PRDM6: variants seen among roughly 807,000 people sequenced by gnomAD.
PRDM6 encodes putative histone-lysine N-methyltransferase PRDM6.
PRDM6 carries 25 observed loss-of-function variants against 60.8 expected under a neutral mutation model. The observed-to-expected ratio is 0.41, with a 90% CI of 0.30 to 0.57. The LOEUF is 0.57. Among genes scored for constraint, PRDM6 ranks in the 20% least tolerant of loss-of-function variants. The probability of loss-of-function intolerance (pLI) is 0.27; values close to 1 mark genes in which losing one functional copy is unlikely to be tolerated. For synonymous variants in PRDM6, 407 were observed against 357.4 expected, an observed-to-expected ratio of 1.14 and a Z score of -1.57; for missense variants, 839 against 821.3, an observed-to-expected ratio of 1.02 and a Z score of -0.26.
chr5:123,142,789 A>G (rs533659553), intron 3 of PRDM6, among the ~76,000 whole-genome samples: 18 of 149,514 alleles, frequency 1.2e-4, no homozygotes, highest in African/African-American at 4.2e-4. Context: ...TTTTCTAGCG[A>G]TCCTGAAAAT....
chr5:123,150,541 T>G (rs1186805654), intron 3 of PRDM6, among the ~76,000 whole-genome samples: 1 of 152,222 alleles, frequency 6.6e-6, no homozygotes, highest in East Asian at 1.9e-4. Context: ...TACAAAATAC[T>G]GGGCCTCTAC....
intron 5 of PRDM6, among the ~76,000 whole-genome samples, chr5:123,163,442 G>A (rs539542341): frequency 3.9e-5 from 6 of 152,336 alleles, no homozygotes; most frequent in East Asian, 1.9e-4. Context: ...CAGGGCGGCC[G>A]TGGGTACACT....
At chr5:123,143,414 T>C (rs1765166244) in intron 3 of PRDM6, among the ~76,000 whole-genome samples, 1 of 152,178 alleles carries the variant, frequency 6.6e-6, no homozygotes, top group Admixed American at 6.5e-5. Context: ...GTCTAGAATT[T>C]AGGAAGCCTA....
At chr5:123,092,914 A>T (rs1763875313) in intron 2 of PRDM6, among the ~76,000 whole-genome samples, 1 of 152,198 alleles carries the variant, frequency 6.6e-6, no homozygotes, top group South Asian at 2.1e-4. Flanking sequence ...GTTTAATCTA[A>T]GTAGGGGCTT....
intron 3 of PRDM6, among the ~76,000 whole-genome samples, chr5:123,116,541 A>T (rs564453981): frequency 6.6e-6 from 1 of 152,226 alleles, no homozygotes; most frequent in East Asian, 1.9e-4. Flanking sequence ...GAAAACCGTC[A>T]TATCTTTTAA....
At chr5:123,111,566 C>T (rs573947503) in intron 3 of PRDM6, among the ~76,000 whole-genome samples, 14 of 152,106 alleles carry the variant, frequency 9.2e-5, no homozygotes, top group South Asian at 2.1e-4. Flanking sequence ...GGTGTGGTGA[C>T]GGGCGCCTGT....
At chr5:123,130,092 T>TCCCCC (rs1764788141) in intron 3 of PRDM6, among the ~76,000 whole-genome samples, 2 of 20,212 alleles carry the variant, frequency 9.9e-5, no homozygotes, top group Non-Finnish European at 1.8e-4. Flanking sequence ...TTCTATTCCC[T>TCCCCC]CCCCTCCCCT....
intron 3 of PRDM6, among the ~76,000 whole-genome samples, chr5:123,143,147 A>ATGTG (rs1561848858): frequency 5.3e-5 from 5 of 93,986 alleles, no homozygotes; most frequent in South Asian, 3.3e-4. Context: ...GTAGTTTTTA[A>ATGTG]AGTGTGTGTG....
chr5:123,101,008 G>T (rs928710328), intron 3 of PRDM6, among the ~76,000 whole-genome samples: 5 of 152,194 alleles, frequency 3.3e-5, no homozygotes, highest in African/African-American at 1.2e-4. Flanking sequence ...CAGGGGTCAG[G>T]TTGACATGAA....
At chr5:123,128,539 A>T (rs1011746222) in intron 3 of PRDM6, among the ~76,000 whole-genome samples, 2 of 151,986 alleles carry the variant, frequency 1.3e-5, no homozygotes, top group East Asian at 1.9e-4. Flanking sequence ...GGATTTTTTC[A>T]TGTGTCGTTT....
intron 2 of PRDM6, among the ~76,000 whole-genome samples, chr5:123,093,730 C>T (rs767409302): frequency 2.6e-5 from 4 of 152,212 alleles, no homozygotes; most frequent in Non-Finnish European, 5.9e-5. Context: ...GGAGTGGCCT[C>T]TTCCCGGGTT....
At chr5:123,165,820 T>C (rs1765739497) in intron 5 of PRDM6, among the ~76,000 whole-genome samples, 1 of 152,206 alleles carries the variant, frequency 6.6e-6, no homozygotes, top group Admixed American at 6.5e-5. Context: ...TATTTACCGA[T>C]ACAGAGTGAT....
chr5:123,136,128 A>G (rs1231386134), intron 3 of PRDM6, among the ~76,000 whole-genome samples: 1 of 152,144 alleles, frequency 6.6e-6, no homozygotes, highest in East Asian at 1.9e-4. Flanking sequence ...GAGTGACCAG[A>G]TTTCTTGTGA....
At chr5:123,134,777 T>A (rs1252023165) in intron 3 of PRDM6, among the ~76,000 whole-genome samples, 1 of 152,174 alleles carries the variant, frequency 6.6e-6, no homozygotes, top group Non-Finnish European at 1.5e-5. Flanking sequence ...AGGAATTAAT[T>A]CTTTGAGTAC....
At chr5:123,185,788 G>T (rs1448548473) in intron 7 of PRDM6, among the ~76,000 whole-genome samples, 1 of 152,164 alleles carries the variant, frequency 6.6e-6, no homozygotes, top group African/African-American at 2.4e-5. Flanking sequence ...TATTTTATAG[G>T]TACTTATTTC....
rs551884328 is a variant in PRDM6, at chr5:123,111,514, C to A, written c.900+11553C>A. On this transcript the variant is annotated intron_variant, in intron 3 of 7. Transcript: ENST00000407847. ...GAGATCGAGACCATCCTAGCTAACA[C>A]GGTGAAACCCCGTCTTTACTAAAAA... Among the ~76,000 whole-genome samples the A allele has an allele frequency of 1.6e-3, 245 of 152,230 alleles. 2 individuals are homozygous for A. The highest frequency in any genetic ancestry group is 5.7e-3 in the African/African-American group (238 of 41,534).
intron 3 of PRDM6, among the ~76,000 whole-genome samples, chr5:123,108,969 G>T (rs1038515364): frequency 6.6e-6 from 1 of 152,020 alleles, no homozygotes; most frequent in African/African-American, 2.4e-5. Context: ...TTTTCATTTT[G>T]TCTAGTCTTA....
At chr5:123,117,784 T>C (rs1764491460) in intron 3 of PRDM6, among the ~76,000 whole-genome samples, 1 of 152,224 alleles carries the variant, frequency 6.6e-6, no homozygotes, top group Non-Finnish European at 1.5e-5. Flanking sequence ...GCTCATTTGC[T>C]TTGCATGTGC....
chr5:123,104,234 T>C (rs1489730772), intron 3 of PRDM6, among the ~76,000 whole-genome samples: 4 of 152,142 alleles, frequency 2.6e-5, no homozygotes, highest in African/African-American at 4.8e-5. Context: ...CATTGCTAAA[T>C]GTTTATATTT....
Sources: allele counts gnomAD v4.1 joint callset (sites outside exome capture counted in the v4.1 genomes callset), GRCh38; gene constraint gnomAD v4.1.1; transcripts MANE v1.5; gene names NCBI Gene and HGNC (gene_info 2026-07-23, HGNC 2026-07-21).